Variants in ASH1L observed in about 807,000 individuals in gnomAD.
The protein encoded by ASH1L is histone-lysine N-methyltransferase ASH1L.
In ASH1L, 23 loss-of-function variants were observed where a neutral mutation model predicts 269.0. The ratio of observed to expected loss-of-function variants is 0.09; its 90% CI spans 0.06 to 0.12. The LOEUF is 0.12. Among genes scored for constraint, ASH1L ranks in the 10% least tolerant of loss-of-function variants. The pLI is 1.00. For missense variants in ASH1L, 2,912 were observed against 3,567.8 expected (o/e 0.82, Z 4.68); for synonymous variants, 1,187 against 1,253.5 (o/e 0.95, Z 1.12).
At chr1:155,353,380 C>T (rs1342452904) in intron 16 of ASH1L, among the ~76,000 whole-genome samples, 1 of 152,028 alleles carries the variant, frequency 6.6e-6, no homozygotes, top group Non-Finnish European at 1.5e-5. Flanking sequence ...AGAATTTATG[C>T]CAATCAAATC....
intron 13 of ASH1L, chr1:155,358,917 A>T (rs1375404602): frequency 1.3e-5 from 2 of 152,022 alleles, no homozygotes; most frequent in Non-Finnish European, 2.9e-5. Context: ...GGAGTCTGTG[A>T]CCAGCCCTGA....
Position 155,343,952 on chromosome 1 carries a change from A to G in ASH1L, c.7982-210T>C, listed in dbSNP as rs1261691061. Reference sequence around the variant, plus strand: ...AGGCATTCCATTTCTTGAGCTTCCTATATGTTTTTCCCAGTCTTAAAATTA... The same window carrying G: ...AGGCATTCCATTTCTTGAGCTTCCTGTATGTTTTTCCCAGTCTTAAAATTA... On this transcript the variant is annotated intron_variant, in intron 22 of 27. Transcript: ENST00000392403. This position sits in a 1 kb window ranked among gnomAD's most constrained non-coding sequence, Gnocchi z 6.1. Among the ~76,000 whole-genome samples the G allele has an allele frequency of 6.6e-6, 1 of 152,226 alleles. No homozygotes were observed. The highest frequency in any genetic ancestry group is 1.5e-5 in the Non-Finnish European group (1 of 68,036).
At chr1:155,345,571 C>CTTTTTTT (rs1179125179) in intron 21 of ASH1L, among the ~76,000 whole-genome samples, 1 of 104,934 alleles carries the variant, frequency 9.5e-6, no homozygotes, top group Non-Finnish European at 1.9e-5. Context: ...CCATGCCCAG[C>CTTTTTTT]TTTTTTTTTT....
At chr1:155,362,123 A>G (rs1280091434) in intron 12 of ASH1L, among the ~76,000 whole-genome samples, 19 of 151,572 alleles carry the variant, frequency 1.3e-4, no homozygotes, top group African/African-American at 2.4e-5. Context: ...GCAACCTCCA[A>G]CTCCCGGGTT....
At chr1:155,409,479 CTT>C (rs1659580458) in intron 6 of ASH1L, among the ~76,000 whole-genome samples, 1 of 152,172 alleles carries the variant, frequency 6.6e-6, no homozygotes, top group Admixed American at 6.5e-5. Context: ...AATGTAGTAT[CTT>C]TGCAATGAAA....
At chr1:155,464,485 A>C (rs1208851309) in intron 3 of ASH1L, among the ~76,000 whole-genome samples, 1 of 152,210 alleles carries the variant, frequency 6.6e-6, no homozygotes, top group Non-Finnish European at 1.5e-5. Context: ...CTACACACAT[A>C]AATGCAGGAA....
chr1:155,560,569 T>C (rs1280587061), intron 1 of ASH1L, among the ~76,000 whole-genome samples: 3 of 152,134 alleles, frequency 2.0e-5, no homozygotes, highest in Admixed American at 6.6e-5. Flanking sequence ...TACCCACCAC[T>C]GTCAAAACAA....
In ASH1L at chr1:155,395,617, C is replaced by T; in HGVS notation, c.6009-64G>A. ...AGAAATTTCCTCCTGTGGTCAAATA[C>T]AGATAACAGATCATCCTATGAGGAG... On this transcript the variant is annotated intron_variant, in intron 6 of 27. Coordinates refer to ENST00000392403, the MANE Select transcript of ASH1L (RefSeq NM_018489.3). 2.7e-6 allele frequency: 3 copies of T among 1,116,124 alleles called. No individual in the cohort carries two copies. In the East Asian group the frequency reaches 7.3e-5, roughly 27 times the overall value. 69.1% of individuals were successfully genotyped at this position (1,116,124 alleles called of 1,614,324 possible).
intron 6 of ASH1L, among the ~76,000 whole-genome samples, chr1:155,410,283 C>A (rs1659660977): frequency 1.3e-5 from 2 of 152,016 alleles, no homozygotes; most frequent in Admixed American, 1.3e-4. Context: ...TGCGCCACCA[C>A]ACCTGCTGGA....
At chr1:155,383,871 C>A (rs773681053) in intron 7 of ASH1L, among the ~76,000 whole-genome samples, 1 of 151,912 alleles carries the variant, frequency 6.6e-6, no homozygotes. Flanking sequence ...TACAACAATG[C>A]GAATGTACCT....
chr1:155,411,304 G>T (rs988647299), intron 6 of ASH1L, among the ~76,000 whole-genome samples: 1 of 151,858 alleles, frequency 6.6e-6, no homozygotes, highest in Non-Finnish European at 1.5e-5. Flanking sequence ...AATGCTTAAA[G>T]AATAAACCAT....
chr1:155,384,483 T>C (rs1571063496), intron 7 of ASH1L, among the ~76,000 whole-genome samples: 1 of 3,244 alleles, frequency 3.1e-4, no homozygotes, highest in Non-Finnish European at 3.6e-3. Context: ...TTGGTGTGGT[T>C]TTTTTTTGTT....
At chr1:155,371,694 C>CTTTT (rs1269263101) in intron 10 of ASH1L, among the ~76,000 whole-genome samples, 1 of 137,430 alleles carries the variant, frequency 7.3e-6, no homozygotes. Flanking sequence ...ACCTAATTTA[C>CTTTT]TTTTTTTTTT....
chr1:155,471,274 C>G (rs996817299), intron 3 of ASH1L, among the ~76,000 whole-genome samples: 1 of 152,118 alleles, frequency 6.6e-6, no homozygotes, highest in Non-Finnish European at 1.5e-5. Context: ...TTTCAAAAAC[C>G]CTTGTAATTA....
intron 7 of ASH1L, among the ~76,000 whole-genome samples, chr1:155,387,848 G>A (rs549382094): frequency 5.1e-4 from 78 of 152,128 alleles, no homozygotes; most frequent in Middle Eastern, 3.4e-3. Flanking sequence ...GAGATCCTTC[G>A]CTTCCCTAGT....
At chr1:155,418,746 T>G (rs1660414383) in intron 5 of ASH1L, among the ~76,000 whole-genome samples, 1 of 152,134 alleles carries the variant, frequency 6.6e-6, no homozygotes, top group South Asian at 2.1e-4. Flanking sequence ...CGTAATAAAC[T>G]TGTTAAAAAC....
chr1:155,385,157 T>A (rs2148457826), intron 7 of ASH1L, among the ~76,000 whole-genome samples: 1 of 152,204 alleles, frequency 6.6e-6, no homozygotes, highest in East Asian at 1.9e-4. Context: ...TTTAAAAAAA[T>A]TATTGGCCAG....
intron 12 of ASH1L, among the ~76,000 whole-genome samples, chr1:155,368,399 T>C (rs982224105): frequency 2.6e-5 from 4 of 152,204 alleles, no homozygotes; most frequent in Admixed American, 6.6e-5. Flanking sequence ...TGGGGGTACA[T>C]GTGCAGATTT....
chr1:155,448,669 A>AT (rs1025315153), intron 4 of ASH1L, among the ~76,000 whole-genome samples: 25 of 150,654 alleles, frequency 1.7e-4, no homozygotes, highest in Non-Finnish European at 3.1e-4. Flanking sequence ...TAATTTTTGT[A>AT]TTTTTTTAGT....
Sources: allele counts gnomAD v4.1 joint callset (sites outside exome capture counted in the v4.1 genomes callset), GRCh38; gene constraint gnomAD v4.1.1; non-coding constraint Gnocchi (gnomAD v3.1); transcripts MANE v1.5; gene names NCBI Gene and HGNC (gene_info 2026-07-23, HGNC 2026-07-21).